The following LATS2 variants were observed in gnomAD, a reference collection of about 807,000 sequenced individuals.
The protein encoded by LATS2 is large tumor suppressor kinase 2.
A neutral mutation model predicts 76.0 loss-of-function variants in LATS2; 24 were observed. That is an observed-to-expected ratio of 0.32 (90% CI 0.23 to 0.44). LATS2 has a LOEUF of 0.44. Among genes scored for constraint, LATS2 ranks in the 20% least tolerant of loss-of-function variants. The pLI is 1.00. For missense variants in LATS2, 1,286 were observed against 1,481.2 expected (o/e 0.87, Z 2.16); for synonymous variants, 692 against 635.4 (o/e 1.09, Z -1.34).
At chr13:21,036,642 G>C (rs935247270) in intron 2 of LATS2, among the ~76,000 whole-genome samples, 1 of 151,848 alleles carries the variant, frequency 6.6e-6, no homozygotes, top group Non-Finnish European at 1.5e-5. Context: ...GCATGGTGGC[G>C]CGTGCCTGTA....
chr13:21,052,495 C>T (rs1362910444), intron 1 of LATS2, among the ~76,000 whole-genome samples: 1 of 152,098 alleles, frequency 6.6e-6, no homozygotes, highest in African/African-American at 2.4e-5. Flanking sequence ...AGATTACAGG[C>T]GTGCACCACC....
chr13:21,060,166 C>G (rs1022787508), intron 1 of LATS2, among the ~76,000 whole-genome samples: 22 of 152,174 alleles, frequency 1.4e-4, no homozygotes, highest in African/African-American at 5.1e-4. Context: ...GCCCCCCGTT[C>G]CCAACCCTCG....
chr13:21,038,986 C>G (rs76204976), intron 2 of LATS2, among the ~76,000 whole-genome samples: 12,143 of 152,164 alleles, frequency 0.08, 521 homozygotes, highest in Non-Finnish European at 0.095. Flanking sequence ...CTCAAGAAAA[C>G]AAAAACAAAA....
chr13:21,047,129 C>T (rs554338611), intron 1 of LATS2, among the ~76,000 whole-genome samples: 2 of 152,304 alleles, frequency 1.3e-5, no homozygotes, highest in South Asian at 4.1e-4. Context: ...CCCCAGGCCT[C>T]GTTCACGGCC....
At chr13:21,025,761 C>T (rs567716359) in intron 2 of LATS2, among the ~76,000 whole-genome samples, 2 of 152,260 alleles carry the variant, frequency 1.3e-5, no homozygotes, top group African/African-American at 4.8e-5. Context: ...CTGTCCTCTG[C>T]ACGGAGGAGG....
intron 2 of LATS2, among the ~76,000 whole-genome samples, chr13:21,003,572 C>A (rs1440062813): frequency 6.6e-6 from 1 of 152,108 alleles, no homozygotes; most frequent in African/African-American, 2.4e-5. Flanking sequence ...TCTCAAGGAG[C>A]TGGGATTACA....
chr13:21,012,079 T>C (rs1163540033), intron 2 of LATS2, among the ~76,000 whole-genome samples: 2 of 152,224 alleles, frequency 1.3e-5, no homozygotes, highest in African/African-American at 2.4e-5. Flanking sequence ...AAATGAAGCA[T>C]GTTATTCAAA....
rs766080720 is a variant in LATS2 at position 20,989,029 on chromosome 13, C to T, written c.751G>A (p.Ala251Thr). The change falls in exon 4 of 8, where the codon GCG becomes ACG. Residue 251 changes from alanine to threonine, a missense_variant. Transcript: ENST00000382592. Reference sequence around the variant, plus strand: ...AGCAGGTGCGGCCGCCCGTAGTGCGCGCCCTGCAGCGGGAAGTGTGCCCCT... The same window carrying T: ...AGCAGGTGCGGCCGCCCGTAGTGCGTGCCCTGCAGCGGGAAGTGTGCCCCT... ...AAGAHFPLQG[A>T]HYGRPHLLVP... 26 of 1,559,932 alleles carry T rather than the reference C, an allele frequency of 1.7e-5. No homozygotes were observed. Among genetic ancestry groups the T allele is most frequent in the Non-Finnish European group, 2.2e-5 (26 of 1,159,200 alleles).
Position 20,974,755 on chromosome 13 carries a change from TCGA to T in LATS2, c.*112_*114del. 1 of 1,102,360 alleles carries T rather than the reference TCGA, an allele frequency of 9.1e-7. No individual in the cohort carries two copies. The highest frequency in any genetic ancestry group is 3.1e-4 in the Middle Eastern group (1 of 3,224). 68.3% of individuals were successfully genotyped at this position (1,102,360 alleles called of 1,614,324 possible). ...AAGAGCAGAATTTCAAGTGAAGTAA[TCGA>T]CGGACTAATTTAAAACAAAACAGCC... On this transcript the variant is annotated 3_prime_UTR_variant, in exon 8 of 8. Coordinates refer to ENST00000382592, the MANE Select transcript of LATS2 (RefSeq NM_014572.3).
chr13:21,054,628 C>T (rs1244472306), intron 1 of LATS2, among the ~76,000 whole-genome samples: 1 of 152,286 alleles, frequency 6.6e-6, no homozygotes, highest in East Asian at 1.9e-4. Context: ...TCTGTGGGTG[C>T]CACAAACATT....
intron 1 of LATS2, among the ~76,000 whole-genome samples, chr13:21,053,050 C>T (rs2138415675): frequency 6.6e-6 from 1 of 152,124 alleles, no homozygotes; most frequent in South Asian, 2.1e-4. Flanking sequence ...TCCTGGCCAA[C>T]ACGGTGAAAC....
At chr13:20,987,739 G>T in intron 4 of LATS2, 142 bp downstream of exon 4, 3 of 909,752 alleles carry the variant, frequency 3.3e-6, no homozygotes, top group Non-Finnish European at 4.9e-6. Flanking sequence ...CAAGTTGTTG[G>T]CCCCAGAACC....
chr13:21,057,071 T>C (rs1873472079), intron 1 of LATS2, among the ~76,000 whole-genome samples: 1 of 152,224 alleles, frequency 6.6e-6, no homozygotes, highest in Non-Finnish European at 1.5e-5. Flanking sequence ...CCCTTAGCAT[T>C]CCTGCTCAAG....
intron 1 of LATS2, 98 bp from the exon 2 acceptor site, chr13:21,046,328 C>A (rs1595255811): frequency 3.2e-6 from 1 of 313,202 alleles, no homozygotes; most frequent in South Asian, 5.9e-5. Flanking sequence ...TGGAAATATA[C>A]CGCTTGGAAA....
At chr13:21,017,082 T>G (rs1206216624) in intron 2 of LATS2, among the ~76,000 whole-genome samples, 1 of 152,202 alleles carries the variant, frequency 6.6e-6, no homozygotes, top group Non-Finnish European at 1.5e-5. Context: ...CCCAGATTTC[T>G]AAGGACTGGG....
intron 2 of LATS2, among the ~76,000 whole-genome samples, chr13:21,021,114 G>A (rs2138360876): frequency 6.6e-6 from 1 of 152,274 alleles, no homozygotes; most frequent in Admixed American, 6.5e-5. Flanking sequence ...AAACTGGTCA[G>A]TGAGTATCTA....
At chr13:20,995,719 C>G (rs889662684) in intron 2 of LATS2, among the ~76,000 whole-genome samples, 1 of 152,048 alleles carries the variant, frequency 6.6e-6, no homozygotes, top group Non-Finnish European at 1.5e-5. Flanking sequence ...AAGGGAATTT[C>G]AAATCAACAT....
At chr13:20,989,441 T>A (rs1486767175) in intron 3 of LATS2, 137 bp from the exon 4 acceptor site, 7 of 861,912 alleles carry the variant, frequency 8.1e-6, no homozygotes, top group African/African-American at 3.3e-5. Context: ...TGCTGCATTC[T>A]GCCCAGCACA....
intron 2 of LATS2, among the ~76,000 whole-genome samples, chr13:21,030,462 G>A (rs1017404108): frequency 5.8e-4 from 88 of 151,446 alleles, no homozygotes; most frequent in African/African-American, 2.1e-3. Flanking sequence ...GGTGGCGGGC[G>A]CCTGTAGTCC....
Sources: gnomAD v4.1 joint callset for allele counts (sites outside exome capture counted in the v4.1 genomes callset) on GRCh38, gnomAD v4.1.1 for gene constraint, MANE v1.5 for transcripts, NCBI Gene and HGNC (gene_info 2026-07-23, HGNC 2026-07-21) for gene names.